The following OTOGL variants were observed in gnomAD, a reference collection of about 807,000 sequenced individuals.
OTOGL encodes the protein otogelin-like protein.
A neutral mutation model predicts 318.5 loss-of-function variants in OTOGL; 285 were observed. The observed-to-expected ratio is 0.89, with a 90% confidence interval of 0.81 to 0.99. The LOEUF (loss-of-function observed/expected upper bound fraction) is 0.99, where lower values mean the gene tolerates loss of function less well. Ranked by LOEUF, OTOGL falls within the 50% of genes least tolerant of loss-of-function variation. The pLI, the probability that OTOGL is intolerant of heterozygous loss-of-function variation, is 0.00. For synonymous variants in OTOGL, 987 were observed against 936.5 expected, an observed-to-expected ratio of 1.05 and a Z score of -0.99; for missense variants, 2,899 against 2,845.6, an observed-to-expected ratio of 1.02 and a Z score of -0.43.
At chr12:80,127,237 G>A (rs112866454) in intron 1 of OTOGL, among the ~76,000 whole-genome samples, 1 of 152,048 alleles carries the variant, frequency 6.6e-6, no homozygotes, top group African/African-American at 2.4e-5. Flanking sequence ...GGCAGGCCTG[G>A]TGGTGACAAA....
intron 1 of OTOGL, among the ~76,000 whole-genome samples, chr12:80,200,233 T>G (rs997579276): frequency 1.3e-5 from 2 of 152,138 alleles, no homozygotes; most frequent in Non-Finnish European, 2.9e-5. Flanking sequence ...TTAATTAAAT[T>G]GTAAGTGCCA....
At chr12:80,367,327 A>T (rs544097118) in intron 53 of OTOGL, among the ~76,000 whole-genome samples, 1 of 152,102 alleles carries the variant, frequency 6.6e-6, no homozygotes, top group Admixed American at 6.6e-5. Flanking sequence ...AGGAAGTTCA[A>T]TCATTAAACA....
chr12:80,266,726 A>AC, intron 21 of OTOGL, 110 bp downstream of exon 21: 1 of 1,123,376 alleles, frequency 8.9e-7, no homozygotes, highest in Non-Finnish European at 1.2e-6. Context: ...TATTGTCTTT[A>AC]CTTTTTTTTT....
At chr12:80,309,104 A>C (rs1318738837) in intron 29 of OTOGL, among the ~76,000 whole-genome samples, 4 of 152,244 alleles carry the variant, frequency 2.6e-5, no homozygotes, top group Non-Finnish European at 4.4e-5. Context: ...CATACCTGAT[A>C]GACAAGGCTA....
intron 50 of OTOGL, 132 bp from the exon 51 acceptor site, chr12:80,358,539 T>C: frequency 1.2e-6 from 1 of 840,824 alleles, no homozygotes; most frequent in Non-Finnish European, 1.8e-6. Context: ...CATGGCAATC[T>C]GACGGTGGGA....
intron 24 of OTOGL, among the ~76,000 whole-genome samples, chr12:80,274,401 G>A (rs1248858110): frequency 6.6e-6 from 1 of 152,046 alleles, no homozygotes; most frequent in African/African-American, 2.4e-5. Context: ...TTAATCCATA[G>A]CAAGGCTTTA....
intron 29 of OTOGL, among the ~76,000 whole-genome samples, chr12:80,309,519 G>A (rs1886487909): frequency 6.6e-6 from 1 of 152,146 alleles, no homozygotes. Flanking sequence ...TGTGGTGTAA[G>A]GTCTGAAATA....
At chr12:80,308,936 C>T (rs899759495) in intron 29 of OTOGL, among the ~76,000 whole-genome samples, 21 of 151,894 alleles carry the variant, frequency 1.4e-4, no homozygotes, top group Non-Finnish European at 2.8e-4. Context: ...AGCTTCGGCT[C>T]GGCATCAGAG....
At chr12:80,108,009 C>A (rs1331622644) in intron 1 of OTOGL, among the ~76,000 whole-genome samples, 2 of 152,006 alleles carry the variant, frequency 1.3e-5, no homozygotes, top group African/African-American at 4.8e-5. Context: ...ATGTTTATTA[C>A]CCACATGATG....
chr12:80,201,850 A>G (rs1257672397), intron 1 of OTOGL, among the ~76,000 whole-genome samples: 2 of 152,210 alleles, frequency 1.3e-5, no homozygotes, highest in African/African-American at 2.4e-5. Context: ...AAAGGTACCT[A>G]GAAGAGCAAA....
intron 1 of OTOGL, among the ~76,000 whole-genome samples, chr12:80,148,342 G>C (rs574208618): frequency 6.8e-6 from 1 of 147,876 alleles, no homozygotes; most frequent in Non-Finnish European, 1.5e-5. Flanking sequence ...TGAAATTCTG[G>C]GTTGCAAATT....
intron 32 of OTOGL, among the ~76,000 whole-genome samples, chr12:80,316,377 G>T (rs901202074): frequency 6.6e-6 from 1 of 152,064 alleles, no homozygotes; most frequent in African/African-American, 2.4e-5. Context: ...GTATTTTCTG[G>T]CATTTCTCCT....
Position 80,279,091 on chromosome 12 carries a change from CG to C in OTOGL, c.2857del (p.Asp953ThrfsTer10). 6.5e-7 allele frequency: 1 copy of C among 1,528,410 alleles called. No homozygotes were observed. The highest frequency in any genetic ancestry group is 8.8e-7 in the Non-Finnish European group (1 of 1,133,982). The allele number at this position is 1,528,410 out of a possible 1,614,324, so 94.7% of individuals were successfully genotyped here. On this transcript the variant is annotated frameshift_variant, in exon 26 of 59. Coordinates refer to ENST00000547103, the MANE Select transcript of OTOGL (RefSeq NM_001378609.3). LOFTEE classifies it high-confidence loss of function. ...YPCPAVCTIYGDRHYYSFDGL... is the reference protein window; with the variant it reads ...YPCPAVCTIYXDRHYYSFDGL... The stretch of plus-strand genomic sequence containing the variant: ...CATGCCCAGCAGTGTGCACAATATA[CG>C]GGGACCGACATTATTATTCTTTTGA...
chr12:80,301,864 A>T (rs543456419), intron 27 of OTOGL, among the ~76,000 whole-genome samples: 1 of 152,222 alleles, frequency 6.6e-6, no homozygotes, highest in African/African-American at 2.4e-5. Context: ...CATGCCTTTT[A>T]CTCACAAATT....
intron 39 of OTOGL, 98 bp downstream of exon 39, chr12:80,336,238 A>G: frequency 2.2e-6 from 3 of 1,369,202 alleles, no homozygotes; most frequent in Non-Finnish European, 2.9e-6. Context: ...AGCCAAAGTT[A>G]CTGTTTTTGA....
In OTOGL at chr12:80,356,747, A is replaced by G. The variant is rs1592750995; in HGVS notation, c.5912-60A>G. On this transcript the variant is annotated intron_variant, in intron 48 of 58. Transcript: ENST00000547103. ...TATTACTAAATTCAAAGAGAGGTAA[A>G]CACTATGTCATTTTTTTATTATGCT... The G allele has an allele frequency of 3.9e-6, 4 of 1,018,760 alleles. No individual in the cohort carries two copies. In the East Asian group the frequency reaches 7.8e-5, roughly 20 times the overall value. The allele number at this position is 1,018,760 out of a possible 1,614,324, so 63.1% of individuals were successfully genotyped here.
At chr12:80,210,915 TA>T in intron 3 of OTOGL, 29 bp downstream of exon 3, 2 of 1,423,330 alleles carry the variant, frequency 1.4e-6, no homozygotes, top group Non-Finnish European at 1.9e-6. Flanking sequence ...TCGTGTCCTC[TA>T]AAACATAAAG....
chr12:80,323,608 C>A, intron 34 of OTOGL, 115 bp from the exon 35 acceptor site: 1 of 760,724 alleles, frequency 1.3e-6, no homozygotes, highest in Non-Finnish European at 2.2e-6. Flanking sequence ...GAAATAGTGC[C>A]ACTGCGCTCG....
In OTOGL at chr12:80,330,164, G is replaced by A. The variant is rs143814830; in HGVS notation, c.4348+1045G>A. On this transcript the variant is annotated intron_variant, in intron 37 of 58. Transcript: ENST00000547103. ...GGTGGAGTGGAAGAGATTATCGGGG[G>A]CAGGTCACAAAGGACTCATGGTAAG... Among the ~76,000 whole-genome samples, 271 of 152,278 alleles carry A rather than the reference G, an allele frequency of 1.8e-3. 1 individual carries two copies. The highest frequency in any genetic ancestry group is 6.8e-3 in the Middle Eastern group (2 of 294).
Sources: gnomAD v4.1 joint callset for allele counts (sites outside exome capture counted in the v4.1 genomes callset) on GRCh38, gnomAD v4.1.1 for gene constraint, MANE v1.5 for transcripts, NCBI Gene and HGNC (gene_info 2026-07-23, HGNC 2026-07-21) for gene names.